Variants in ERC1 observed in about 807,000 individuals in gnomAD.
ERC1 encodes the protein ELKS/RAB6-interacting/CAST family member 1.
In ERC1, 56 loss-of-function variants were observed where a neutral mutation model predicts 132.0. That is an observed-to-expected ratio of 0.42 (90% CI 0.34 to 0.53). ERC1 has a LOEUF of 0.53. Among genes scored for constraint, ERC1 ranks in the 20% least tolerant of loss-of-function variants. ERC1 has a pLI of 0.03. For missense variants in ERC1, 1,202 were observed against 1,349.9 expected (o/e 0.89, Z 1.72); for synonymous variants, 478 against 476.1 (o/e 1.00, Z -0.05).
intron 6 of ERC1, among the ~76,000 whole-genome samples, chr12:1,113,160 T>C (rs1034751405): frequency 6.6e-6 from 1 of 152,226 alleles, no homozygotes; most frequent in African/African-American, 2.4e-5. Context: ...ATGCAAATTC[T>C]ACATCATTTT....
intron 17 of ERC1, among the ~76,000 whole-genome samples, chr12:1,419,275 A>G (rs898102331): frequency 2.6e-5 from 4 of 152,084 alleles, no homozygotes; most frequent in Admixed American, 1.3e-4. Context: ...ATTTGTAACT[A>G]TTCTCCTAAG....
chr12:1,326,434 G>A (rs2082448994), intron 15 of ERC1, among the ~76,000 whole-genome samples: 1 of 152,162 alleles, frequency 6.6e-6, no homozygotes, highest in Non-Finnish European at 1.5e-5. Context: ...ACCCTTTGAA[G>A]CAGAAAAGCA....
intron 18 of ERC1, 66 bp downstream of exon 18, chr12:1,444,816 G>T (rs527277290): frequency 1.4e-6 from 2 of 1,464,014 alleles, no homozygotes; most frequent in African/African-American, 2.8e-5. Flanking sequence ...GGTTGATGCA[G>T]TGGGGGCTAC....
intron 13 of ERC1, among the ~76,000 whole-genome samples, chr12:1,251,784 G>A (rs1038153976): frequency 1.3e-5 from 2 of 152,076 alleles, no homozygotes. Flanking sequence ...GAAATTTATT[G>A]AAAGACTTTA....
At chr12:1,008,594 T>A (rs1964135862) in intron 1 of ERC1, among the ~76,000 whole-genome samples, 1 of 152,146 alleles carries the variant, frequency 6.6e-6, no homozygotes, top group African/African-American at 2.4e-5. Flanking sequence ...TTTTTAATAC[T>A]AGCTCTTTGA....
At chr12:1,378,394 A>G (rs2088201521) in intron 16 of ERC1, among the ~76,000 whole-genome samples, 1 of 152,228 alleles carries the variant, frequency 6.6e-6, no homozygotes. Context: ...AGACGTACTA[A>G]TAATCTAATA....
chr12:1,166,684 T>TA (rs1952458767), intron 8 of ERC1, among the ~76,000 whole-genome samples: 1 of 152,206 alleles, frequency 6.6e-6, no homozygotes, highest in Non-Finnish European at 1.5e-5. Context: ...TGTGGTACAT[T>TA]ATATTGATTG....
chr12:1,351,711 A>G (rs1490473533), intron 15 of ERC1, among the ~76,000 whole-genome samples: 1 of 152,032 alleles, frequency 6.6e-6, no homozygotes, highest in African/African-American at 2.4e-5. Context: ...ATAATTGTAC[A>G]TATTTATGGG....
chr12:1,317,568 C>CA (rs1050046726), intron 15 of ERC1, among the ~76,000 whole-genome samples: 11 of 151,104 alleles, frequency 7.3e-5, no homozygotes, highest in Non-Finnish European at 7.4e-5. Flanking sequence ...AAAGTAAATC[C>CA]AAAAAAAAAT....
rs868302232 is a variant in ERC1, at chr12:1,039,359, T to A, written c.669+10787T>A. ...TCTCAAAAAAAAAAAAAAATAAAAA[T>A]AAATAAATAAATAAATAAAAAATTA... is the stretch of plus-strand genomic sequence containing the variant. On this transcript the variant is annotated intron_variant, in intron 2 of 18. Coordinates refer to ENST00000360905, the MANE Select transcript of ERC1 (RefSeq NM_178040.4). Among the ~76,000 whole-genome samples, 874 of 141,182 alleles carry A rather than the reference T, an allele frequency of 6.2e-3. 3 individuals carry two copies. The highest frequency in any genetic ancestry group is 0.014 in the Middle Eastern group (4 of 276). 92.6% of individuals were successfully genotyped at this position (141,182 alleles called of 152,430 possible). A position where few individuals can be genotyped will look rare whatever the true frequency, so the allele number is the denominator to read the frequency against.
chr12:996,249 CTTTTTTTTTTTT>C (rs35403554), intron 1 of ERC1, among the ~76,000 whole-genome samples: 11 of 43,764 alleles, frequency 2.5e-4, no homozygotes, highest in South Asian at 1.1e-3. Context: ...CCATGCCTGG[CTTTTTTTTTTTT>C]TTTTTTTTTT....
At position 1,346,960 on chromosome 12, in the gene ERC1, A is replaced by AAG. The variant is rs1555369415; in HGVS notation, c.2781-24865_2781-24864dup. On this transcript the variant is annotated intron_variant, in intron 15 of 18. Coordinates refer to ENST00000360905, the MANE Select transcript of ERC1 (RefSeq NM_178040.4). Reference sequence around the variant, plus strand: ...CGAGACTCCGTCTCAAAAAAAAAAAAAGAGAGAGATGATGGTTTTCAGGTT... The same window carrying AAG: ...CGAGACTCCGTCTCAAAAAAAAAAAAAGAGAGAGAGATGATGGTTTTCAGGTT... Among the ~76,000 whole-genome samples the AAG allele has an allele frequency of 6.0e-5, 9 of 149,760 alleles. No individual in the cohort carries two copies. The South Asian group carries it at 8.7e-4, about 14-fold the overall frequency.
intron 17 of ERC1, among the ~76,000 whole-genome samples, chr12:1,439,380 A>G (rs1348355984): frequency 6.6e-6 from 1 of 152,248 alleles, no homozygotes; most frequent in Non-Finnish European, 1.5e-5. Flanking sequence ...CACCTTTGGA[A>G]GATTACTGGT....
intron 3 of ERC1, among the ~76,000 whole-genome samples, chr12:1,084,203 T>C (rs556705473): frequency 6.6e-6 from 1 of 152,364 alleles, no homozygotes; most frequent in East Asian, 1.9e-4. Context: ...ATGTATCATT[T>C]TAAGAAGGCG....
At position 1,269,641 on chromosome 12, in the gene ERC1, C is replaced by G. The variant is rs116143619; in HGVS notation, c.2619+6476C>G. 2.0e-3 allele frequency among the ~76,000 whole-genome samples: 302 copies of G among 152,212 alleles called. 1 individual carries two copies. The highest frequency in any genetic ancestry group is 6.8e-3 in the African/African-American group (283 of 41,528). On this transcript the variant is annotated intron_variant, in intron 14 of 18. Coordinates refer to ENST00000360905, the MANE Select transcript of ERC1 (RefSeq NM_178040.4). ...GGGGTAAGATTGAAAGCGGGAGGAT[C>G]AGATGGACTATTAAAGTAGCCTAGG...
chr12:1,239,760 G>A (rs567117995), intron 13 of ERC1, among the ~76,000 whole-genome samples: 2 of 152,290 alleles, frequency 1.3e-5, no homozygotes, highest in African/African-American at 4.8e-5. Flanking sequence ...GGAATTCTTG[G>A]AGAAGTTACT....
At chr12:1,103,001 T>C (rs1026423776) in intron 3 of ERC1, among the ~76,000 whole-genome samples, 1 of 152,228 alleles carries the variant, frequency 6.6e-6, no homozygotes, top group African/African-American at 2.4e-5. Context: ...CCTCCATGTA[T>C]TCTTTTTTCT....
At chr12:1,365,865 G>T (rs1419965) in intron 15 of ERC1, among the ~76,000 whole-genome samples, 6 of 152,012 alleles carry the variant, frequency 3.9e-5, no homozygotes, top group African/African-American at 1.2e-4. Flanking sequence ...GTGGTATGTG[G>T]GTGTGGTGGA....
chr12:1,407,365 T>C (rs2091566436), intron 16 of ERC1, among the ~76,000 whole-genome samples: 1 of 151,984 alleles, frequency 6.6e-6, no homozygotes, highest in African/African-American at 2.4e-5. Flanking sequence ...GTTCAATTGA[T>C]TTTTTTATTG....
Sources: allele counts gnomAD v4.1 joint callset (sites outside exome capture counted in the v4.1 genomes callset), GRCh38; gene constraint gnomAD v4.1.1; transcripts MANE v1.5; gene names NCBI Gene and HGNC (gene_info 2026-07-23, HGNC 2026-07-21).